C17orf58: variants seen among roughly 807,000 people sequenced by gnomAD.
C17orf58 encodes the protein chromosome 17 open reading frame 58.
In C17orf58, 5 loss-of-function variants were observed where a neutral mutation model predicts 7.4. The observed-to-expected ratio is 0.67, with a 90% CI of 0.35 to 1.42. The LOEUF (loss-of-function observed/expected upper bound fraction) is 1.42, where lower values mean the gene tolerates loss of function less well. C17orf58 is among the 40% of genes most tolerant of loss of function. The pLI, the probability that C17orf58 is intolerant of heterozygous loss-of-function variation, is 0.04. For synonymous variants in C17orf58, 60 were observed against 70.6 expected, an observed-to-expected ratio of 0.85 and a Z score of 0.75; for missense variants, 162 against 174.2, an observed-to-expected ratio of 0.93 and a Z score of 0.40.
At chr17:67,994,944 G>T (rs2070879896) in intron 1 of C17orf58, among the ~76,000 whole-genome samples, 1 of 152,132 alleles carries the variant, frequency 6.6e-6, no homozygotes, top group East Asian at 1.9e-4. Flanking sequence ...CCCTAGTTCT[G>T]CAGACAGGTT....
At position 67,994,536 on chromosome 17, in the gene C17orf58, A is replaced by ATATATATATATAT. The variant is rs1555699626; in HGVS notation, c.77-553_77-552insATATATATATATA. Among the ~76,000 whole-genome samples the ATATATATATATAT allele has an allele frequency of 3.2e-3, 252 of 79,408 alleles. 4 individuals are homozygous for ATATATATATATAT. The highest frequency in any genetic ancestry group is 7.3e-3 in the South Asian group (15 of 2,050). 52.1% of individuals were successfully genotyped at this position (79,408 alleles called of 152,430 possible). A position where few individuals can be genotyped will look rare whatever the true frequency, so the allele number is the denominator to read the frequency against. On this transcript the variant is annotated intron_variant, in intron 1 of 3. Coordinates refer to ENST00000580729, the MANE Select transcript of C17orf58 (RefSeq NM_001382359.1). ...TGTGTGTATATATATATATATATAT[A>ATATATATATATAT]AAACATATATAAACATCCGCCTCTT...
At position 67,991,285 on chromosome 17, in the gene C17orf58, G is replaced by T. The variant is rs1200451589; in HGVS notation, c.*628C>A. The T allele has an allele frequency of 6.6e-6, 1 of 152,112 alleles. No homozygotes were observed. The highest frequency in any genetic ancestry group is 1.5e-5 in the Non-Finnish European group (1 of 68,028). 9.4% of individuals were successfully genotyped at this position (152,112 alleles called of 1,614,324 possible). A position where few individuals can be genotyped will look rare whatever the true frequency, so the allele number is the denominator to read the frequency against. ...TATATCTTACTTTTTGGTACGTCAGGAACACTTTTGCCTGAAGTAAGCCCT... is the reference window on the plus strand; with the variant it reads ...TATATCTTACTTTTTGGTACGTCAGTAACACTTTTGCCTGAAGTAAGCCCT... On this transcript the variant is annotated 3_prime_UTR_variant, in exon 4 of 4. Coordinates refer to ENST00000580729, the MANE Select transcript of C17orf58 (RefSeq NM_001382359.1).
At position 67,992,073 on chromosome 17, in the gene C17orf58, T is replaced by C; in HGVS notation, c.860A>G (p.Tyr287Cys). The stretch of plus-strand genomic sequence containing the variant: ...TGTAGGGAGCTGCCGTCTCTTATGG[T>C]AGATGTGGCCCATCACAATATACCT... ...GSRYIVMGHIYHKRRQLPTAL... is the reference protein window; with the variant it reads ...GSRYIVMGHICHKRRQLPTAL... Residue 287 changes from tyrosine (Y) to cysteine (C), a missense_variant, in exon 4 of 4, where the codon TAC becomes TGC. By Grantham distance (194) the Tyr-to-Cys change is radical. Transcript: ENST00000580729. The C allele has an allele frequency of 6.2e-7, 1 of 1,603,468 alleles. No individual in the cohort carries two copies. The highest frequency in any genetic ancestry group is 8.5e-7 in the Non-Finnish European group (1 of 1,175,630).
chr17:67,994,432 G>A (rs1376123764), intron 1 of C17orf58, among the ~76,000 whole-genome samples: 10 of 150,220 alleles, frequency 6.7e-5, no homozygotes, highest in Non-Finnish European at 1.5e-4. Flanking sequence ...ACACTGGTTA[G>A]ATAACAAACT....
chr17:67,992,829 C>G, intron 3 of C17orf58: 1 of 1,525,884 alleles, frequency 6.6e-7, no homozygotes, highest in Non-Finnish European at 8.8e-7. Flanking sequence ...CGCTTTGTGC[C>G]AACCCTTGCT....
chr17:67,993,983 G>C lies in C17orf58; in HGVS notation c.78C>G (p.Thr26=), dbSNP rs1232260938. ...CCGGCTTTCTGCTGTGCGGCGGCGA[G>C]GCTGTGGGGAGAGAAGAGGAGAGGC... ...SPEAPVAERK[T]SPPHSRKPDS... Residue 26 remains threonine (T), a splice_region_variant and synonymous_variant, in exon 2 of 4, where the codon ACC becomes ACG. Transcript: ENST00000580729. The surrounding 1 kb of genome is among the most constrained non-coding windows in gnomAD (Gnocchi z 5.1). The C allele has an allele frequency of 5.0e-6, 2 of 396,262 alleles. No homozygotes were observed. Among genetic ancestry groups the C allele is most frequent in the East Asian group, 7.2e-5 (2 of 27,956 alleles). The allele number at this position is 396,262 out of a possible 1,614,324, so 24.5% of individuals were successfully genotyped here. A position where few individuals can be genotyped will look rare whatever the true frequency, so the allele number is the denominator to read the frequency against.
At chr17:67,994,096 C>A (rs1212698052) in intron 1 of C17orf58, 112 bp from the exon 2 acceptor site, 5 of 351,372 alleles carry the variant, frequency 1.4e-5, no homozygotes, top group Admixed American at 4.8e-5. Flanking sequence ...GAAGGGGAGG[C>A]TGAGACGGGA....
At chr17:67,995,897 G>C (rs1199328839) in intron 1 of C17orf58, among the ~76,000 whole-genome samples, 1 of 152,240 alleles carries the variant, frequency 6.6e-6, no homozygotes, top group Non-Finnish European at 1.5e-5. Context: ...CGGCTTGCTC[G>C]GGATCATTTC....
At chr17:67,992,199 A>G (rs2070840226) in intron 3 of C17orf58, 96 bp from the exon 4 acceptor site, 10 of 1,071,410 alleles carry the variant, frequency 9.3e-6, no homozygotes, top group African/African-American at 1.6e-5. Flanking sequence ...GCTGCAATCT[A>G]TTATCTTGCT....
Position 67,993,515 on chromosome 17 carries a change from C to T in C17orf58, c.546G>A (p.Pro182=), listed in dbSNP as rs2070859758. Reference sequence around the variant, plus strand: ...CAGCGCCGGGCTCCGCGTCCCTCTGCGGCGGGCTGAGGCCGAAGCTGAGGC... The same window carrying T: ...CAGCGCCGGGCTCCGCGTCCCTCTGTGGCGGGCTGAGGCCGAAGCTGAGGC... ...RFSLSFGLSP[P]QRDAEPGAEP... The change falls in exon 2 of 4, where the codon CCG becomes CCA. Residue 182 remains proline, a synonymous_variant. Coordinates refer to ENST00000580729, the MANE Select transcript of C17orf58 (RefSeq NM_001382359.1). The surrounding 1 kb of genome is among the most constrained non-coding windows in gnomAD (Gnocchi z 5.1). 6 of 385,610 alleles carry T rather than the reference C, an allele frequency of 1.6e-5. No homozygotes were observed. Among genetic ancestry groups the T allele is most frequent in the East Asian group, 7.4e-5 (2 of 26,998 alleles). 23.9% of individuals were successfully genotyped at this position (385,610 alleles called of 1,614,324 possible).
intron 1 of C17orf58, among the ~76,000 whole-genome samples, chr17:67,995,794 G>A (rs1210428631): frequency 6.6e-6 from 1 of 152,216 alleles, no homozygotes; most frequent in Non-Finnish European, 1.5e-5. Flanking sequence ...GCCCGGGCAC[G>A]GCTCCCGAAA....
At position 67,993,779 on chromosome 17, in the gene C17orf58, T is replaced by G. The variant is rs1158092073; in HGVS notation, c.282A>C (p.Ala94=). The G allele has an allele frequency of 5.3e-6, 1 of 187,472 alleles. No homozygotes were observed. The highest frequency in any genetic ancestry group is 1.1e-5 in the Non-Finnish European group (1 of 95,012). 11.6% of individuals were successfully genotyped at this position (187,472 alleles called of 1,614,324 possible). The part of the protein sequence containing the change: ...ADNQASFREA[A]RAPAGPPGPR... The stretch of plus-strand genomic sequence containing the variant: ...GGCCCGGCGGGCCAGCGGGCGCGCG[T>G]GCGGCCTCCCGGAAGCTGGCCTGGT... The change falls in exon 2 of 4, where the codon GCA becomes GCC. Residue 94 remains alanine (A), a synonymous_variant. Coordinates refer to ENST00000580729, the MANE Select transcript of C17orf58 (RefSeq NM_001382359.1). The surrounding 1 kb of genome is among the most constrained non-coding windows in gnomAD (Gnocchi z 5.1).
chr17:67,994,516 G>GTATATATATATATATATATATATATA (rs1555699618), intron 1 of C17orf58, among the ~76,000 whole-genome samples: 2 of 89,504 alleles, frequency 2.2e-5, no homozygotes, highest in Non-Finnish European at 4.9e-5. Context: ...GTGTGTGTGT[G>GTATATATATATATATATATATATATA]TATATATATA....
At position 67,996,180 on chromosome 17, in the gene C17orf58, A is replaced by T. The variant is rs2070890267; in HGVS notation, c.19T>A (p.Trp7Arg). Reference protein sequence around the residue: MTARAFWLLCLIVGSSP... With the variant: MTARAFRLLCLIVGSSP... ...GATCCGACGATCAAACAGAGGAGCCAGAAAGCTCTAGCTGTCATTTTTGCA... is the reference window on the plus strand; with the variant it reads ...GATCCGACGATCAAACAGAGGAGCCTGAAAGCTCTAGCTGTCATTTTTGCA... The change falls in exon 1 of 4, where the codon TGG becomes AGG. Residue 7 changes from tryptophan (W) to arginine (R), a missense_variant. Coordinates refer to ENST00000580729, the MANE Select transcript of C17orf58 (RefSeq NM_001382359.1). The T allele has an allele frequency of 2.5e-6, 1 of 398,968 alleles. No individual in the cohort carries two copies. Among genetic ancestry groups the T allele is most frequent in the African/African-American group, 2.1e-5 (1 of 48,614 alleles). The allele number at this position is 398,968 out of a possible 1,614,324, so 24.7% of individuals were successfully genotyped here.
At chr17:67,996,018 AG>A (rs2070888797) in intron 1 of C17orf58, 104 bp downstream of exon 1, 11 of 398,244 alleles carry the variant, frequency 2.8e-5, no homozygotes, top group African/African-American at 1.4e-4. Flanking sequence ...CTCTCTTGCG[AG>A]CTCTGACCCC....
chr17:67,996,451 C>T lies in C17orf58; in HGVS notation c.-253G>A. 6.4e-6 allele frequency: 2 copies of T among 312,892 alleles called. No individual in the cohort carries two copies. The highest frequency in any genetic ancestry group is 5.2e-5 in the East Asian group (1 of 19,410). 19.4% of individuals were successfully genotyped at this position (312,892 alleles called of 1,614,324 possible). On this transcript the variant is annotated 5_prime_UTR_variant, in exon 1 of 4. Transcript: ENST00000580729. ...CCGGGAATGTCTGTCCTGTGATCTG[C>T]GGGCGAGGAGAGCATCACAGCCTAA...
At chr17:67,994,223 C>G (rs1555699561) in intron 1 of C17orf58, among the ~76,000 whole-genome samples, 1 of 151,504 alleles carries the variant, frequency 6.6e-6, no homozygotes, top group East Asian at 2.0e-4. Context: ...GCTTCGCAGG[C>G]ACCTGCAAGA....
chr17:67,994,019 TG>T, intron 1 of C17orf58, 35 bp from the exon 2 acceptor site: 2 of 373,922 alleles, frequency 5.3e-6, no homozygotes, highest in Non-Finnish European at 9.3e-6. Context: ...GGGAAGGCGG[TG>T]GGGGAGGAGA....
rs1555699460 is a variant in C17orf58, at chr17:67,993,389, G to A, written c.637+35C>T. 3.4e-6 allele frequency: 2 copies of A among 579,952 alleles called. No individual in the cohort carries two copies. Among genetic ancestry groups the A allele is most frequent in the East Asian group, 3.0e-5 (1 of 33,622 alleles). The allele number at this position is 579,952 out of a possible 1,614,324, so 35.9% of individuals were successfully genotyped here. On this transcript the variant is annotated intron_variant, in intron 2 of 3. Coordinates refer to ENST00000580729, the MANE Select transcript of C17orf58 (RefSeq NM_001382359.1). The surrounding 1 kb of genome is among the most constrained non-coding windows in gnomAD (Gnocchi z 5.1). ...TCTCCGGGGCTCGGAAAGGCTCGCG[G>A]GGCGGCGGGGCGGCGGCGCGGCGGC...
Sources: gnomAD v4.1 joint callset for allele counts (sites outside exome capture counted in the v4.1 genomes callset) on GRCh38, gnomAD v4.1.1 for gene constraint, Gnocchi (gnomAD v3.1) non-coding constraint, MANE v1.5 for transcripts, NCBI Gene and HGNC (gene_info 2026-07-23, HGNC 2026-07-21) for gene names.